Variants in BEND2 observed in about 807,000 individuals in gnomAD.
BEND2 encodes BEN domain containing 2, also known as BEN domain-containing protein 2.
In BEND2, 19 loss-of-function variants were observed where a neutral mutation model predicts 43.8. The ratio of observed to expected loss-of-function variants is 0.43; its 90% CI spans 0.30 to 0.64. The LOEUF (loss-of-function observed/expected upper bound fraction) is 0.64. Among genes scored for constraint, BEND2 ranks in the 30% least tolerant of loss-of-function variants. The pLI is 0.11. For missense variants in BEND2, 544 were observed against 574.0 expected, an observed-to-expected ratio of 0.95 and a Z score of 0.53; for synonymous variants, 226 against 210.1, an observed-to-expected ratio of 1.08 and a Z score of -0.66.
rs201244726 is a variant in BEND2 at position 18,194,972 on chromosome X, AACACACAC to A, written c.1180+316_1180+323del. ...TGTGGAATAAAGCTGCATAGTACTA[AACACACAC>A]ACACACACACACACACACACACACA... is the stretch of plus-strand genomic sequence containing the variant. On this transcript the variant is annotated intron_variant, in intron 7 of 13. Transcript: ENST00000380033. Among the ~76,000 whole-genome samples, 635 of 99,302 alleles carry A rather than the reference AACACACAC, an allele frequency of 6.4e-3. 1 individual carries two copies. The highest frequency in any genetic ancestry group is 8.0e-3 in the Non-Finnish European group (391 of 48,775). 86.2% of individuals were successfully genotyped at this position (99,302 alleles called of 115,157 possible).
chrX:18,165,401 G>T (rs1207246255), intron 13 of BEND2, among the ~76,000 whole-genome samples, 178 bp from the exon 14 acceptor site: 1 of 112,021 alleles, frequency 8.9e-6, no homozygotes, highest in Non-Finnish European at 1.9e-5. Flanking sequence ...TCTAAAAAGA[G>T]AACTATATGA....
In BEND2 at chrX:18,164,185, G is replaced by A. The variant is rs1269455826; in HGVS notation, c.*824C>T. 9.1e-6 allele frequency: 1 copy of A among 110,356 alleles called. No individual in the cohort carries two copies. Among genetic ancestry groups the A allele is most frequent in the Non-Finnish European group, 1.9e-5 (1 of 52,869 alleles). 9.1% of individuals were successfully genotyped at this position (110,356 alleles called of 1,213,427 possible). A position where few individuals can be genotyped will look rare whatever the true frequency, so the allele number is the denominator to read the frequency against. ...CTACAGGTGCTTGCCACCATGCCTG[G>A]CTACTTTTTTTGTATTTTTAGTAGA... On this transcript the variant is annotated 3_prime_UTR_variant, in exon 14 of 14. Coordinates refer to ENST00000380033, the MANE Select transcript of BEND2 (RefSeq NM_153346.5).
chrX:18,192,429 A>C (rs1475264441), intron 7 of BEND2, among the ~76,000 whole-genome samples: 1 of 112,039 alleles, frequency 8.9e-6, no homozygotes, highest in Non-Finnish European at 1.9e-5. Flanking sequence ...ATCAAAAAGG[A>C]AGAAAAAACA....
intron 13 of BEND2, among the ~76,000 whole-genome samples, chrX:18,166,003 A>G (rs1277102770): frequency 8.9e-6 from 1 of 112,070 alleles, no homozygotes; most frequent in East Asian, 2.8e-4. Flanking sequence ...AACATCACAT[A>G]TATCCAAATT....
At chrX:18,219,634 G>C (rs1023410880) in intron 1 of BEND2, among the ~76,000 whole-genome samples, 1 of 112,689 alleles carries the variant, frequency 8.9e-6, no homozygotes, top group Non-Finnish European at 1.9e-5. Context: ...CACCCAGTGG[G>C]GTGGTTCACG....
chrX:18,217,021 A>G (rs767740271), intron 1 of BEND2, among the ~76,000 whole-genome samples: 2 of 112,771 alleles, frequency 1.8e-5, no homozygotes, highest in East Asian at 5.5e-4. Context: ...AAATGTGGCC[A>G]GCTGGCCCAT....
At chrX:18,167,259 C>T (rs1488824472) in intron 13 of BEND2, among the ~76,000 whole-genome samples, 2 of 105,603 alleles carry the variant, frequency 1.9e-5, no homozygotes, top group Non-Finnish European at 3.9e-5. Context: ...CCAGCCTGGG[C>T]AAGAGTGAGA....
chrX:18,179,760 G>C (rs1253992936), intron 9 of BEND2, among the ~76,000 whole-genome samples: 1 of 112,558 alleles, frequency 8.9e-6, no homozygotes, highest in African/African-American at 3.2e-5. Flanking sequence ...CTGCTTAGAA[G>C]TTGAGACAAA....
chrX:18,190,979 A>C (rs370456780), intron 8 of BEND2, 22 bp downstream of exon 8: 14 of 1,155,089 alleles, frequency 1.2e-5, no homozygotes, highest in Non-Finnish European at 1.7e-5. Flanking sequence ...GCTACTTGTA[A>C]CATATATCAT....
chrX:18,189,943 G>C (rs938439800), intron 8 of BEND2, among the ~76,000 whole-genome samples: 8 of 109,867 alleles, frequency 7.3e-5, no homozygotes, highest in Non-Finnish European at 1.5e-4. Context: ...CCAGCTACTC[G>C]GGAGGCTGAG....
chrX:18,193,290 C>T (rs1198012476), intron 7 of BEND2, among the ~76,000 whole-genome samples: 1 of 109,647 alleles, frequency 9.1e-6, no homozygotes, highest in Non-Finnish European at 1.9e-5. Context: ...TGCACTCCAG[C>T]CTGGGCGACA....
chrX:18,220,331 C>T (rs141938792), intron 1 of BEND2, among the ~76,000 whole-genome samples: 1,251 of 112,722 alleles, frequency 0.011, 22 homozygotes, highest in African/African-American at 0.039. Flanking sequence ...GTTTCCCAGC[C>T]ACTCGAGGCT....
At chrX:18,219,357 G>T (rs745593082) in intron 1 of BEND2, among the ~76,000 whole-genome samples, 8 of 112,936 alleles carry the variant, frequency 7.1e-5, no homozygotes, top group African/African-American at 2.6e-4. Context: ...CGGCAAGGGG[G>T]CCGGGCCCTC....
intron 12 of BEND2, among the ~76,000 whole-genome samples, chrX:18,171,875 T>C (rs1190004417): frequency 1.8e-5 from 2 of 112,111 alleles, no homozygotes; most frequent in African/African-American, 6.5e-5. Context: ...TGATTCTTCC[T>C]GAAATACTTA....
rs1041351859 is a variant in BEND2, at chrX:18,212,572, G to A, written c.485C>T (p.Thr162Ile). 11 of 1,156,155 alleles carry A rather than the reference G, an allele frequency of 9.5e-6. No individual in the cohort carries two copies. The highest frequency in any genetic ancestry group is 1.3e-5 in the Non-Finnish European group (11 of 846,809). The change falls in exon 4 of 14, where the codon ACT (threonine) becomes ATT (isoleucine). Residue 162 changes from threonine (T) to isoleucine (I), a missense_variant. Physicochemically the swap from Thr to Ile is moderately conservative, Grantham distance 89. Transcript: ENST00000380033. ...ACAAACCATAATATCTACCTCTGGA[G>A]TATAGAATCTTCCTCTTTTTGGAAA... is the stretch of plus-strand genomic sequence containing the variant. ...VDFPKRGRFY[T>I]PEVQSSISPP...
intron 8 of BEND2, among the ~76,000 whole-genome samples, chrX:18,186,236 G>A (rs749337482): frequency 3.6e-5 from 4 of 110,531 alleles, no homozygotes; most frequent in Non-Finnish European, 5.7e-5. Flanking sequence ...GGCAGGCAGA[G>A]CATCTGAGGT....
chrX:18,216,229 A>T (rs1202451602), intron 2 of BEND2, among the ~76,000 whole-genome samples: 1 of 110,919 alleles, frequency 9.0e-6, no homozygotes, highest in East Asian at 2.8e-4. Flanking sequence ...TTACTTTTGC[A>T]TTGCCACCAA....
intron 2 of BEND2, among the ~76,000 whole-genome samples, chrX:18,214,545 C>T (rs758916845): frequency 1.5e-4 from 17 of 110,636 alleles, no homozygotes; most frequent in Non-Finnish European, 2.8e-4. Flanking sequence ...CACCTATGGC[C>T]GGGCGTGGTG....
intron 4 of BEND2, among the ~76,000 whole-genome samples, chrX:18,209,430 G>A (rs1925439812): frequency 9.0e-6 from 1 of 110,784 alleles, no homozygotes; most frequent in East Asian, 2.8e-4. Flanking sequence ...GTGGGCAATG[G>A]GGAAAAATAG....
Sources: allele counts gnomAD v4.1 joint callset (sites outside exome capture counted in the v4.1 genomes callset), GRCh38; gene constraint gnomAD v4.1.1; transcripts MANE v1.5; gene names NCBI Gene and HGNC (gene_info 2026-07-23, HGNC 2026-07-21).